The following DIP2B variants were observed in gnomAD, a reference collection of about 807,000 sequenced individuals.
The protein encoded by DIP2B is DIP2 acetate--CoA ligase B (putative), also known as disco-interacting protein 2 homolog B.
DIP2B carries 76 observed loss-of-function variants against 198.0 expected under a neutral mutation model. The ratio of observed to expected loss-of-function variants is 0.38; its 90% CI spans 0.32 to 0.46. The LOEUF (loss-of-function observed/expected upper bound fraction) is 0.46. DIP2B is among the 20% of genes least tolerant of loss of function. The pLI, the probability that DIP2B is intolerant of heterozygous loss-of-function variation, is 0.99. For missense variants in DIP2B, 1,559 were observed against 1,978.4 expected (o/e 0.79, Z 4.02); for synonymous variants, 701 against 739.1 (o/e 0.95, Z 0.84).
intron 28 of DIP2B, 109 bp from the exon 29 acceptor site, chr12:50,727,594 T>C: frequency 1.0e-6 from 1 of 956,030 alleles, no homozygotes; most frequent in Non-Finnish European, 1.7e-6. Flanking sequence ...AGGCCTAAGC[T>C]TTAGCAAATC....
chr12:50,729,947 T>C (rs1022814649), intron 30 of DIP2B, among the ~76,000 whole-genome samples: 9 of 152,068 alleles, frequency 5.9e-5, no homozygotes, highest in African/African-American at 1.7e-4. Context: ...GGTCTTGAAC[T>C]CCTGGACTCA....
At chr12:50,544,022 C>T (rs1404068073) in intron 1 of DIP2B, among the ~76,000 whole-genome samples, 1 of 149,250 alleles carries the variant, frequency 6.7e-6, no homozygotes, top group East Asian at 2.0e-4. Context: ...GAGGTCAGGA[C>T]ATCGAGACCA....
chr12:50,694,073 A>G (rs1212468529), intron 14 of DIP2B, among the ~76,000 whole-genome samples: 1 of 152,202 alleles, frequency 6.6e-6, no homozygotes, highest in East Asian at 1.9e-4. Context: ...CCTGTAAGAA[A>G]CAGGGACATT....
At chr12:50,695,169 C>A in intron 14 of DIP2B, 98 bp from the exon 15 acceptor site, 2 of 908,998 alleles carry the variant, frequency 2.2e-6, no homozygotes, top group Non-Finnish European at 3.4e-6. Flanking sequence ...TTGAGTATTA[C>A]TTGTATAATT....
intron 1 of DIP2B, among the ~76,000 whole-genome samples, chr12:50,595,838 C>CT (rs1958873786): frequency 6.6e-6 from 1 of 152,174 alleles, no homozygotes; most frequent in South Asian, 2.1e-4. Flanking sequence ...TAAATAGCCT[C>CT]TGGCACGTGA....
chr12:50,659,674 T>C (rs143985324), intron 3 of DIP2B, among the ~76,000 whole-genome samples: 1 of 152,186 alleles, frequency 6.6e-6, no homozygotes, highest in Non-Finnish European at 1.5e-5. Flanking sequence ...ACATCTGCCC[T>C]TATGTTTTTC....
Position 50,699,195 on chromosome 12 carries a change from C to G in DIP2B, c.2318C>G (p.Thr773Arg). The part of the protein sequence containing the change: ...YFGLAGVTKN[T>R]FEVIPVNSAG... ...GGGCTTGCTGGTGTGACAAAAAATA[C>G]ATTTGAGGTACATGATATTAACATT... The change falls in exon 19 of 38, where the codon ACA (threonine) becomes AGA (arginine). Residue 773 changes from threonine (T) to arginine (R), a missense_variant. By Grantham distance (71) the Thr-to-Arg change is moderately conservative. Transcript: ENST00000301180. 1.2e-6 allele frequency: 2 copies of G among 1,614,068 alleles called. No individual in the cohort carries two copies. The highest frequency in any genetic ancestry group is 2.7e-5 in the African/African-American group (2 of 75,014).
chr12:50,716,949 G>C (rs1465860), intron 23 of DIP2B, among the ~76,000 whole-genome samples: 127,774 of 133,584 alleles, frequency 0.96, 61,425 homozygotes, highest in East Asian at 1. Flanking sequence ...CTAGATTTAC[G>C]AATTGTTGCT....
At chr12:50,563,614 G>A (rs1958538883) in intron 1 of DIP2B, among the ~76,000 whole-genome samples, 1 of 149,562 alleles carries the variant, frequency 6.7e-6, no homozygotes, top group South Asian at 2.1e-4. Flanking sequence ...TCTTGCCTAA[G>A]CCTCCCAAGT....
rs1314741185 is a variant in DIP2B, at chr12:50,519,795, G to T, written c.100+14555G>T. Among the ~76,000 whole-genome samples, 8 of 106,958 alleles carry T rather than the reference G, an allele frequency of 7.5e-5. No individual in the cohort carries two copies. In the South Asian group the frequency reaches 1.9e-3, roughly 25 times the overall value. The allele number at this position is 106,958 out of a possible 152,430, so 70.2% of individuals were successfully genotyped here. ...CTGTGAATGACATGTACTTTAATTG[G>T]TTTTTCTTGGAGGTTTTTTTTTTTG... On this transcript the variant is annotated intron_variant, in intron 1 of 37. Transcript: ENST00000301180.
chr12:50,741,452 A>G lies in DIP2B; in HGVS notation c.4391A>G (p.Asp1464Gly). 1.2e-6 allele frequency: 2 copies of G among 1,614,116 alleles called. No homozygotes were observed. Among genetic ancestry groups the G allele is most frequent in the Non-Finnish European group, 8.5e-7 (1 of 1,180,016 alleles). The stretch of plus-strand genomic sequence containing the variant: ...GCATTGTATGTGGTGGGAGCGCTGG[A>G]TGAAACACTGGAGCTGAGAGGATTA... ...HDALYVVGAL[D>G]ETLELRGLRY... The change falls in exon 37 of 38, where the codon GAT becomes GGT. Residue 1464 changes from aspartate (D) to glycine (G), a missense_variant. Transcript: ENST00000301180.
At chr12:50,626,951 T>C (rs1218209439) in intron 2 of DIP2B, among the ~76,000 whole-genome samples, 3 of 152,242 alleles carry the variant, frequency 2.0e-5, no homozygotes, top group African/African-American at 7.2e-5. Context: ...GCTTGTTTTA[T>C]TTCCTGTATT....
chr12:50,659,835 C>T lies in DIP2B; in HGVS notation c.302-359C>T, dbSNP rs534770994. ...AATGAGTGTTCTCCAGGCACCTGCACAGCGCTCATTCCATTTGAGGCAGAA... is the reference window on the plus strand; with the variant it reads ...AATGAGTGTTCTCCAGGCACCTGCATAGCGCTCATTCCATTTGAGGCAGAA... On this transcript the variant is annotated intron_variant, in intron 3 of 37. Coordinates refer to ENST00000301180, the MANE Select transcript of DIP2B (RefSeq NM_173602.3). Among the ~76,000 whole-genome samples the T allele has an allele frequency of 3.0e-4, 46 of 152,234 alleles. No homozygotes were observed. In the South Asian group the frequency reaches 7.9e-3, roughly 26 times the overall value.
intron 1 of DIP2B, among the ~76,000 whole-genome samples, chr12:50,586,213 T>G (rs1009429822): frequency 6.6e-5 from 10 of 152,178 alleles, no homozygotes; most frequent in Non-Finnish European, 1.5e-4. Context: ...TAAAAAAAAT[T>G]ACAAAGGAGG....
rs1452713897 is a variant in DIP2B at position 50,567,373 on chromosome 12, CAT to C, written c.101-58602_101-58601del. 2.0e-5 allele frequency among the ~76,000 whole-genome samples: 3 copies of C among 152,258 alleles called. No homozygotes were observed. In the East Asian group the frequency reaches 5.8e-4, roughly 29 times the overall value. ...TGTATAGTTTTCTGCTATTTTAGCACATGTGTAGCTTCATGTAACTACTGCCA... is the reference window on the plus strand; with the variant it reads ...TGTATAGTTTTCTGCTATTTTAGCACGTGTAGCTTCATGTAACTACTGCCA... On this transcript the variant is annotated intron_variant, in intron 1 of 37. Transcript: ENST00000301180.
chr12:50,614,454 C>T (rs373656050), intron 1 of DIP2B, among the ~76,000 whole-genome samples: 1 of 152,196 alleles, frequency 6.6e-6, no homozygotes, highest in Non-Finnish European at 1.5e-5. Context: ...CCACCTCCTA[C>T]GCTTGATGGT....
At chr12:50,572,605 A>G (rs1381859702) in intron 1 of DIP2B, among the ~76,000 whole-genome samples, 1 of 152,226 alleles carries the variant, frequency 6.6e-6, no homozygotes, top group Non-Finnish European at 1.5e-5. Flanking sequence ...CCAGGTTACT[A>G]CATTGACTGT....
chr12:50,507,826 G>A (rs1480125807), intron 1 of DIP2B, among the ~76,000 whole-genome samples: 3 of 152,128 alleles, frequency 2.0e-5, no homozygotes, highest in African/African-American at 4.8e-5. Flanking sequence ...GTGAGCCACC[G>A]CTAAAGATGC....
chr12:50,655,107 A>G, intron 3 of DIP2B: 1 of 413,694 alleles, frequency 2.4e-6, no homozygotes, highest in East Asian at 7.1e-5. Context: ...TTAACTGTAA[A>G]ATATTAGAAA....
Sources: gnomAD v4.1 joint callset for allele counts (sites outside exome capture counted in the v4.1 genomes callset) on GRCh38, gnomAD v4.1.1 for gene constraint, MANE v1.5 for transcripts, NCBI Gene and HGNC (gene_info 2026-07-23, HGNC 2026-07-21) for gene names.